The following GLI3 variants were observed in gnomAD, a reference collection of about 807,000 sequenced individuals.
GLI3 encodes the protein GLI family zinc finger 3.
A neutral mutation model predicts 100.8 loss-of-function variants in GLI3; 20 were observed. The observed-to-expected ratio is 0.20, with a 90% CI of 0.14 to 0.29. The LOEUF (loss-of-function observed/expected upper bound fraction) is 0.29. GLI3 is among the 10% of genes least tolerant of loss of function. The pLI is 1.00. For synonymous variants in GLI3, 938 were observed against 860.5 expected, an observed-to-expected ratio of 1.09 and a Z score of -1.58; for missense variants, 2,040 against 2,128.5, an observed-to-expected ratio of 0.96 and a Z score of 0.82.
intron 3 of GLI3, among the ~76,000 whole-genome samples, chr7:42,139,408 G>A (rs1190577743): frequency 6.6e-6 from 1 of 152,146 alleles, no homozygotes; most frequent in Non-Finnish European, 1.5e-5. Context: ...GGCTGGGCAT[G>A]GTGGCTCACG....
At chr7:42,116,240 GC>G (rs1417837624) in intron 3 of GLI3, among the ~76,000 whole-genome samples, 1 of 152,094 alleles carries the variant, frequency 6.6e-6, no homozygotes, top group African/African-American at 2.4e-5. Flanking sequence ...CTATTTAAGT[GC>G]TGAGTTAAAA....
chr7:42,201,816 G>A (rs572794344), intron 2 of GLI3, among the ~76,000 whole-genome samples: 276 of 152,252 alleles, frequency 1.8e-3, no homozygotes, highest in African/African-American at 6.3e-3. Flanking sequence ...GGGCGCCATG[G>A]CTCACACCTG....
chr7:41,962,071 G>T lies in GLI3; in HGVS notation c.*2259C>A, dbSNP rs1454154852. On this transcript the variant is annotated 3_prime_UTR_variant, in exon 15 of 15. Transcript: ENST00000395925. ...ACAAGACAACAACAGTGGTGGGCCGGATCACTGTGCATCCCTCCAGGAAGG... is the reference window on the plus strand; with the variant it reads ...ACAAGACAACAACAGTGGTGGGCCGTATCACTGTGCATCCCTCCAGGAAGG... 6.6e-6 allele frequency: 1 copy of T among 152,176 alleles called. No individual in the cohort carries two copies. Among genetic ancestry groups the T allele is most frequent in the Non-Finnish European group, 1.5e-5 (1 of 68,038 alleles). The allele number at this position is 152,176 out of a possible 1,614,324, so 9.4% of individuals were successfully genotyped here.
At chr7:42,138,899 C>T (rs985508855) in intron 3 of GLI3, among the ~76,000 whole-genome samples, 8 of 152,172 alleles carry the variant, frequency 5.3e-5, no homozygotes, top group African/African-American at 1.9e-4. Flanking sequence ...ATTAGGCCTG[C>T]GGCTCCCTAG....
At chr7:42,164,829 C>CAAATAAATAAAT (rs71006459) in intron 2 of GLI3, among the ~76,000 whole-genome samples, 615 of 148,214 alleles carry the variant, frequency 4.1e-3, no homozygotes, top group Middle Eastern at 0.011. Context: ...GACTATGTGT[C>CAAATAAATAAAT]AAATAAATAA....
intron 3 of GLI3, among the ~76,000 whole-genome samples, chr7:42,103,679 A>C (rs1383571360): frequency 6.6e-6 from 1 of 152,162 alleles, no homozygotes; most frequent in African/African-American, 2.4e-5. Context: ...AGTGACGTAG[A>C]TATCTGAATC....
At chr7:42,239,747 G>C (rs1334203090), upstream of GLI3, among the ~76,000 whole-genome samples, 1 of 152,068 alleles carries the variant, frequency 6.6e-6, no homozygotes, top group African/African-American at 2.4e-5. Context: ...CGTCACAATA[G>C]CTAAACAAAA....
At chr7:42,149,215 C>T (rs1257600710) in intron 2 of GLI3, among the ~76,000 whole-genome samples, 2 of 152,198 alleles carry the variant, frequency 1.3e-5, no homozygotes, top group Non-Finnish European at 2.9e-5. Flanking sequence ...TGTGAGATGG[C>T]TCTGAGGGTG....
chr7:42,263,998 G>A (rs995216775), exon 1 of GLI3, among the ~76,000 whole-genome samples: 2 of 152,098 alleles, frequency 1.3e-5, no homozygotes, highest in African/African-American at 4.8e-5. Flanking sequence ...ACTTACTCTG[G>A]CAGCTCAGCA....
intron 4 of GLI3, 30 bp from the exon 5 acceptor site, chr7:42,048,726 G>A: frequency 7.2e-7 from 1 of 1,390,760 alleles, no homozygotes; most frequent in Non-Finnish European, 1.0e-6. Flanking sequence ...GATACAAGGG[G>A]TATGCATGAG....
At chr7:42,148,615 T>C in intron 2 of GLI3, 147 bp from the exon 3 acceptor site, 1 of 763,770 alleles carries the variant, frequency 1.3e-6, no homozygotes, top group South Asian at 1.6e-5. Context: ...GCTACAGGGC[T>C]GGGATGGGAT....
At chr7:42,088,740 TG>T (rs1339854396) in intron 3 of GLI3, among the ~76,000 whole-genome samples, 1 of 152,146 alleles carries the variant, frequency 6.6e-6, no homozygotes, top group Non-Finnish European at 1.5e-5. Flanking sequence ...ATGATAGGCT[TG>T]GGGGTGTCAA....
At position 42,187,944 on chromosome 7, in the gene GLI3, A is replaced by T. The variant is rs138109852; in HGVS notation, c.124+35186T>A. ...CTCGAACCCGGGAGGCAGAGGTTGCAATGAGCCGAGATCGCGCCACTGCAC... is the reference window on the plus strand; with the variant it reads ...CTCGAACCCGGGAGGCAGAGGTTGCTATGAGCCGAGATCGCGCCACTGCAC... On this transcript the variant is annotated intron_variant, in intron 2 of 14. Coordinates refer to ENST00000395925, the MANE Select transcript of GLI3 (RefSeq NM_000168.6). 2.1e-3 allele frequency among the ~76,000 whole-genome samples: 315 copies of T among 147,838 alleles called. 5 individuals are homozygous for T. In the East Asian group the frequency reaches 0.031, roughly 15 times the overall value.
chr7:42,104,790 A>G (rs898477198), intron 3 of GLI3, among the ~76,000 whole-genome samples: 2 of 152,146 alleles, frequency 1.3e-5, no homozygotes, highest in African/African-American at 4.8e-5. Context: ...CCTTTTAAAG[A>G]GGCCCCAGAG....
upstream of GLI3, among the ~76,000 whole-genome samples, chr7:42,239,133 A>G (rs1269603470): frequency 6.6e-6 from 1 of 152,240 alleles, no homozygotes; most frequent in African/African-American, 2.4e-5. Flanking sequence ...CTAGTTAGCC[A>G]TTTGTTTTAA....
chr7:42,002,382 T>C (rs1788327448), intron 10 of GLI3, among the ~76,000 whole-genome samples: 1 of 152,186 alleles, frequency 6.6e-6, no homozygotes, highest in Admixed American at 6.5e-5. Flanking sequence ...GCAACACTTT[T>C]CTCCACCAAA....
chr7:42,106,998 G>A (rs1237778722), intron 3 of GLI3, among the ~76,000 whole-genome samples: 6 of 152,082 alleles, frequency 3.9e-5, no homozygotes, highest in East Asian at 1.9e-4. Flanking sequence ...TAAAGACTGT[G>A]AAGATTTCCA....
intron 1 of GLI3, among the ~76,000 whole-genome samples, chr7:42,257,095 T>C (rs1038151246): frequency 6.6e-6 from 1 of 152,156 alleles, no homozygotes; most frequent in East Asian, 1.9e-4. Flanking sequence ...TAAGTAGAAA[T>C]ACCATTGATT....
chr7:42,249,269 G>A (rs1007178502), intron 1 of GLI3, among the ~76,000 whole-genome samples: 2 of 152,158 alleles, frequency 1.3e-5, no homozygotes, highest in Admixed American at 6.5e-5. Flanking sequence ...GAGCATACAC[G>A]AAAGAATGGG....
Sources: gnomAD v4.1 joint callset for allele counts (sites outside exome capture counted in the v4.1 genomes callset) on GRCh38, gnomAD v4.1.1 for gene constraint, MANE v1.5 for transcripts, NCBI Gene and HGNC (gene_info 2026-07-23, HGNC 2026-07-21) for gene names.